Variants in BICC1 observed in about 807,000 individuals in gnomAD.
BICC1 encodes the protein protein bicaudal C homolog 1.
Under a neutral mutation model 111.0 loss-of-function variants are expected in BICC1, and 43 were observed. The ratio of observed to expected loss-of-function variants is 0.39; its 90% CI spans 0.30 to 0.50. The LOEUF is 0.50. Ranked by LOEUF, BICC1 falls within the 20% of genes least tolerant of loss-of-function variation. The probability of loss-of-function intolerance (pLI) is 0.88; values close to 1 mark genes in which losing one functional copy is unlikely to be tolerated. For missense variants in BICC1, 1,091 were observed against 1,203.2 expected (o/e 0.91, Z 1.38); for synonymous variants, 467 against 434.4 (o/e 1.07, Z -0.93).
At chr10:58,613,346 T>C (rs1845496023) in intron 1 of BICC1, among the ~76,000 whole-genome samples, 1 of 152,184 alleles carries the variant, frequency 6.6e-6, no homozygotes, top group Non-Finnish European at 1.5e-5. Flanking sequence ...TGTGCTCATG[T>C]CACTGTGGAA....
intron 15 of BICC1, among the ~76,000 whole-genome samples, chr10:58,804,525 A>G (rs1019980016): frequency 6.6e-6 from 1 of 152,204 alleles, no homozygotes; most frequent in African/African-American, 2.4e-5. Flanking sequence ...CTCAAAAATT[A>G]AAAATAAATA....
chr10:58,748,864 C>T (rs1841909119), intron 3 of BICC1, among the ~76,000 whole-genome samples: 1 of 152,050 alleles, frequency 6.6e-6, no homozygotes, highest in Non-Finnish European at 1.5e-5. Flanking sequence ...GTTTTGGGAA[C>T]CTGCTTAGAG....
At chr10:58,608,780 C>T (rs570790687) in intron 1 of BICC1, among the ~76,000 whole-genome samples, 10 of 152,304 alleles carry the variant, frequency 6.6e-5, no homozygotes, top group African/African-American at 2.4e-4. Context: ...AGATTTGAAC[C>T]TAGACTTTTC....
intron 2 of BICC1, among the ~76,000 whole-genome samples, chr10:58,675,068 T>C (rs182269865): frequency 1.3e-5 from 2 of 152,308 alleles, no homozygotes; most frequent in East Asian, 3.9e-4. Context: ...GGATAGAAGA[T>C]TGTCTTGGAT....
At chr10:58,780,311 C>CGATA (rs749144147) in intron 3 of BICC1, among the ~76,000 whole-genome samples, 48 of 152,082 alleles carry the variant, frequency 3.2e-4, no homozygotes, top group Non-Finnish European at 4.6e-4. Flanking sequence ...AACTCTGATA[C>CGATA]GATAACTTTT....
At chr10:58,615,320 T>G (rs1167015861) in intron 1 of BICC1, among the ~76,000 whole-genome samples, 1 of 152,098 alleles carries the variant, frequency 6.6e-6, no homozygotes, top group East Asian at 1.9e-4. Flanking sequence ...CCTCCATCAG[T>G]GTGTAAGGAA....
At chr10:58,691,055 T>C (rs573645442) in intron 2 of BICC1, among the ~76,000 whole-genome samples, 2 of 152,298 alleles carry the variant, frequency 1.3e-5, no homozygotes, top group East Asian at 3.9e-4. Flanking sequence ...AGTTTGGAAA[T>C]AAGTATATAT....
intron 3 of BICC1, among the ~76,000 whole-genome samples, chr10:58,769,668 G>A (rs1360722187): frequency 2.6e-5 from 4 of 151,836 alleles, no homozygotes; most frequent in African/African-American, 9.7e-5. Context: ...TACATAAACA[G>A]TTCTAAACCT....
intron 1 of BICC1, among the ~76,000 whole-genome samples, chr10:58,611,480 C>CTT (rs1198647396): frequency 2.8e-5 from 4 of 142,370 alleles, no homozygotes; most frequent in African/African-American, 5.1e-5. Context: ...TTTGTTTCTT[C>CTT]TTTTTTTTTT....
At chr10:58,687,410 C>T (rs904566019) in intron 2 of BICC1, among the ~76,000 whole-genome samples, 4 of 152,202 alleles carry the variant, frequency 2.6e-5, no homozygotes, top group Middle Eastern at 3.2e-3. Flanking sequence ...CAGACAGGGA[C>T]GTTTAAGTCT....
chr10:58,702,278 C>T (rs1378020404), intron 3 of BICC1, 135 bp downstream of exon 3: 1 of 576,176 alleles, frequency 1.7e-6, no homozygotes, highest in Non-Finnish European at 3.1e-6. Context: ...AGCAGTCTTT[C>T]AGGAGGATTT....
intron 2 of BICC1, among the ~76,000 whole-genome samples, chr10:58,632,133 A>G (rs372498120): frequency 4.1e-4 from 62 of 152,312 alleles, no homozygotes; most frequent in African/African-American, 1.5e-3. Flanking sequence ...TGTCCTTTTC[A>G]TATATTAATA....
At chr10:58,598,792 G>C (rs545173064) in intron 1 of BICC1, among the ~76,000 whole-genome samples, 2 of 152,044 alleles carry the variant, frequency 1.3e-5, no homozygotes, top group South Asian at 2.1e-4. Flanking sequence ...TCTACAAAGA[G>C]CTTAAACAAA....
chr10:58,765,530 T>C (rs1842432900), intron 3 of BICC1, among the ~76,000 whole-genome samples: 2 of 152,214 alleles, frequency 1.3e-5, no homozygotes, highest in South Asian at 4.1e-4. Context: ...TATTATAAAT[T>C]AGTGAAGTTC....
rs1202108782 is a variant in BICC1 at position 58,513,035 on chromosome 10, C to T, written c.-109C>T. 11 of 808,652 alleles carry T rather than the reference C, an allele frequency of 1.4e-5. No homozygotes were observed. Among genetic ancestry groups the T allele is most frequent in the African/African-American group, 9.1e-5 (5 of 54,720 alleles). The allele number at this position is 808,652 out of a possible 1,614,324, so 50.1% of individuals were successfully genotyped here. On this transcript the variant is annotated 5_prime_UTR_variant, in exon 1 of 21. It adds an upstream start codon to the 5' untranslated region. Coordinates refer to ENST00000373886, the MANE Select transcript of BICC1 (RefSeq NM_001080512.3). ...GGTGGCGTCGGCGGCTGCAGGGGGA[C>T]GAGCTAGCGCCGCGGCGCTGGGAGC...
At chr10:58,688,935 G>C (rs539316083) in intron 2 of BICC1, among the ~76,000 whole-genome samples, 1 of 152,096 alleles carries the variant, frequency 6.6e-6, no homozygotes, top group Non-Finnish European at 1.5e-5. Context: ...TGTAGATGTC[G>C]GGTTGATGGG....
At chr10:58,681,323 TAACTC>T (rs1383124033) in intron 2 of BICC1, among the ~76,000 whole-genome samples, 1 of 150,892 alleles carries the variant, frequency 6.6e-6, no homozygotes, top group Non-Finnish European at 1.5e-5. Context: ...AATAAGAAAA[TAACTC>T]CATCAAAAAG....
At chr10:58,814,618 T>TAAAAA (rs35500718) in intron 18 of BICC1, among the ~76,000 whole-genome samples, 1 of 114,782 alleles carries the variant, frequency 8.7e-6, no homozygotes. Flanking sequence ...TCATCTCTAC[T>TAAAAA]AAAAAAAAAA....
At chr10:58,777,569 T>C (rs1273830620) in intron 3 of BICC1, among the ~76,000 whole-genome samples, 1 of 152,152 alleles carries the variant, frequency 6.6e-6, no homozygotes, top group Non-Finnish European at 1.5e-5. Context: ...GCCTGAAGTA[T>C]TCATTACTGT....
Sources: allele counts gnomAD v4.1 joint callset (sites outside exome capture counted in the v4.1 genomes callset), GRCh38; gene constraint gnomAD v4.1.1; transcripts MANE v1.5; gene names NCBI Gene and HGNC (gene_info 2026-07-23, HGNC 2026-07-21).